SLC2A13: variants seen among roughly 807,000 people sequenced by gnomAD.
The protein encoded by SLC2A13 is proton myo-inositol cotransporter.
A neutral mutation model predicts 64.4 loss-of-function variants in SLC2A13; 32 were observed. The ratio of observed to expected loss-of-function variants is 0.50; its 90% CI spans 0.37 to 0.67. SLC2A13 has a LOEUF of 0.67. Among genes scored for constraint, SLC2A13 ranks in the 30% least tolerant of loss-of-function variants. The pLI is 0.00. For synonymous variants in SLC2A13, 338 were observed against 327.1 expected (o/e 1.03, Z -0.36); for missense variants, 743 against 829.2 (o/e 0.90, Z 1.28).
intron 3 of SLC2A13, among the ~76,000 whole-genome samples, chr12:39,979,095 G>A (rs1946833026): frequency 1.3e-5 from 2 of 151,750 alleles, no homozygotes; most frequent in African/African-American, 2.4e-5. Flanking sequence ...TATTCCAACA[G>A]ACCTGCAGCT....
chr12:39,979,457 C>T (rs1946843925), intron 3 of SLC2A13, among the ~76,000 whole-genome samples: 1 of 144,434 alleles, frequency 6.9e-6, no homozygotes, highest in Non-Finnish European at 1.5e-5. Context: ...ACTAGAATAA[C>T]CAATACAGAG....
At chr12:40,020,085 C>G (rs185679723) in intron 3 of SLC2A13, among the ~76,000 whole-genome samples, 10 of 152,240 alleles carry the variant, frequency 6.6e-5, no homozygotes, top group Admixed American at 6.5e-4. Flanking sequence ...GGCATTTGAC[C>G]ACTGTAGCTC....
intron 1 of SLC2A13, among the ~76,000 whole-genome samples, chr12:40,071,810 T>C (rs1013324828): frequency 1.3e-5 from 2 of 152,174 alleles, no homozygotes; most frequent in Non-Finnish European, 2.9e-5. Flanking sequence ...TCGCAATTTA[T>C]GTGGTCTCTT....
chr12:40,064,075 T>G (rs991762403), intron 1 of SLC2A13, among the ~76,000 whole-genome samples: 1 of 152,068 alleles, frequency 6.6e-6, no homozygotes, highest in Non-Finnish European at 1.5e-5. Flanking sequence ...AGAACCTGTC[T>G]GTATAAAACA....
chr12:39,861,725 C>T (rs1943764095), intron 6 of SLC2A13, among the ~76,000 whole-genome samples: 1 of 152,188 alleles, frequency 6.6e-6, no homozygotes, highest in Non-Finnish European at 1.5e-5. Context: ...AGATGATACT[C>T]ATGCTAGCGT....
At chr12:40,085,501 G>A (rs1280391773) in intron 1 of SLC2A13, among the ~76,000 whole-genome samples, 3 of 152,182 alleles carry the variant, frequency 2.0e-5, no homozygotes, top group African/African-American at 7.2e-5. Flanking sequence ...TCCAGCTGGT[G>A]TCTGCTGCAA....
intron 3 of SLC2A13, among the ~76,000 whole-genome samples, chr12:40,002,107 T>C (rs1947329853): frequency 1.3e-5 from 2 of 152,176 alleles, no homozygotes; most frequent in African/African-American, 4.8e-5. Flanking sequence ...CTTTAAATAA[T>C]CAGGTTTAAG....
At chr12:39,837,205 T>G (rs1943033739) in intron 6 of SLC2A13, among the ~76,000 whole-genome samples, 3 of 150,352 alleles carry the variant, frequency 2.0e-5, no homozygotes, top group Non-Finnish European at 4.4e-5. Flanking sequence ...AACTATCTGA[T>G]CTTTGAGAAA....
chr12:39,848,968 T>A (rs1262137512), intron 6 of SLC2A13, among the ~76,000 whole-genome samples: 5 of 151,994 alleles, frequency 3.3e-5, no homozygotes, highest in African/African-American at 1.2e-4. Flanking sequence ...GGGAGCTAAA[T>A]GATAAGAACT....
intron 1 of SLC2A13, among the ~76,000 whole-genome samples, chr12:40,100,544 C>A (rs1177951875): frequency 1.3e-5 from 2 of 152,162 alleles, no homozygotes; most frequent in Non-Finnish European, 1.5e-5. Context: ...ATAAATAAAG[C>A]AAATGAGCAA....
intron 4 of SLC2A13, among the ~76,000 whole-genome samples, chr12:39,908,543 A>C (rs1945351095): frequency 6.6e-6 from 1 of 151,848 alleles, no homozygotes; most frequent in Admixed American, 6.6e-5. Flanking sequence ...AGAAGGAGAG[A>C]AAGGAGAAGA....
chr12:39,954,685 C>T (rs933365980), intron 3 of SLC2A13, among the ~76,000 whole-genome samples: 2 of 151,710 alleles, frequency 1.3e-5, no homozygotes, highest in African/African-American at 2.4e-5. Context: ...TAATGGTATC[C>T]GAGAACAAAA....
chr12:39,850,435 T>G (rs1000679259), intron 6 of SLC2A13, among the ~76,000 whole-genome samples: 8 of 152,170 alleles, frequency 5.3e-5, no homozygotes, highest in African/African-American at 1.7e-4. Flanking sequence ...GAAGATCACT[T>G]TAGTATACAC....
chr12:39,951,379 G>T lies in SLC2A13; in HGVS notation c.926-14C>A. ...TCACAGGTCCAGCTTTTTTAAGAAA[G>T]AAAGAAAAAAAAAATACAACTATTA... On this transcript the variant is annotated splice_polypyrimidine_tract_variant and intron_variant, in intron 3 of 9. Coordinates refer to ENST00000280871, the MANE Select transcript of SLC2A13 (RefSeq NM_052885.4). 1 of 1,433,242 alleles carries T rather than the reference G, an allele frequency of 7.0e-7. No individual in the cohort carries two copies. Among genetic ancestry groups the T allele is most frequent in the South Asian group, 1.5e-5 (1 of 67,996 alleles). The allele number at this position is 1,433,242 out of a possible 1,614,324, so 88.8% of individuals were successfully genotyped here.
intron 4 of SLC2A13, among the ~76,000 whole-genome samples, chr12:39,887,970 G>A (rs1007987200): frequency 4.6e-5 from 7 of 152,158 alleles, no homozygotes; most frequent in African/African-American, 1.4e-4. Flanking sequence ...CCCCTGCTTC[G>A]TATCCCACAT....
chr12:39,932,856 T>TA (rs747896802), intron 4 of SLC2A13, among the ~76,000 whole-genome samples: 4 of 143,728 alleles, frequency 2.8e-5, no homozygotes, highest in Non-Finnish European at 6.0e-5. Context: ...AGTTAAGTCT[T>TA]AATGAACCAG....
chr12:40,100,969 C>G (rs116418578), intron 1 of SLC2A13, among the ~76,000 whole-genome samples: 1 of 84,690 alleles, frequency 1.2e-5, no homozygotes, highest in Non-Finnish European at 2.1e-5. Flanking sequence ...CCATCTCAGA[C>G]AAAAAAAAAA....
intron 6 of SLC2A13, among the ~76,000 whole-genome samples, chr12:39,856,614 AC>A (rs1334966555): frequency 2.0e-5 from 3 of 152,058 alleles, no homozygotes; most frequent in African/African-American, 7.2e-5. Flanking sequence ...TGATTTGCCC[AC>A]CTCGGCCTCC....
intron 7 of SLC2A13, among the ~76,000 whole-genome samples, chr12:39,811,062 T>C (rs1016815196): frequency 6.6e-6 from 1 of 152,060 alleles, no homozygotes; most frequent in Admixed American, 6.5e-5. Context: ...TGTGGGGAGA[T>C]TTTTAATACA....
Sources: allele counts gnomAD v4.1 joint callset (sites outside exome capture counted in the v4.1 genomes callset), GRCh38; gene constraint gnomAD v4.1.1; transcripts MANE v1.5; gene names NCBI Gene and HGNC (gene_info 2026-07-23, HGNC 2026-07-21).